Variants in ZDHHC7 observed in about 807,000 individuals in gnomAD.
ZDHHC7 encodes the protein zDHHC palmitoyltransferase 7.
ZDHHC7 carries 12 observed loss-of-function variants against 34.1 expected under a neutral mutation model. That is an observed-to-expected ratio of 0.35 (90% CI 0.23 to 0.57). ZDHHC7 has a LOEUF of 0.57. Ranked by LOEUF, ZDHHC7 falls within the 20% of genes least tolerant of loss-of-function variation. The pLI, the probability that ZDHHC7 is intolerant of heterozygous loss-of-function variation, is 0.84. For synonymous variants in ZDHHC7, 185 were observed against 155.4 expected (o/e 1.19, Z -1.42); for missense variants, 388 against 402.7 (o/e 0.96, Z 0.31).
intron 4 of ZDHHC7, among the ~76,000 whole-genome samples, chr16:84,980,153 A>T (rs1373347255): frequency 6.6e-6 from 1 of 150,520 alleles, no homozygotes; most frequent in African/African-American, 2.4e-5. Flanking sequence ...TTTAGTAGAG[A>T]TGGGGGTTTC....
the ZDHHC7 span, among the ~76,000 whole-genome samples, chr16:85,017,154 G>A: frequency 6.6e-6 from 1 of 151,912 alleles, no homozygotes; most frequent in Non-Finnish European, 1.5e-5. Flanking sequence ...TTACATACAT[G>A]AAAAAATTTA....
intron 3 of ZDHHC7, among the ~76,000 whole-genome samples, chr16:84,982,755 C>T (rs763984165): frequency 5.3e-5 from 8 of 152,256 alleles, no homozygotes; most frequent in African/African-American, 1.9e-4. Context: ...GGCCGCCCAG[C>T]GGCATCAGAA....
At chr16:84,978,130 C>T in intron 5 of ZDHHC7, 125 bp from the exon 6 acceptor site, 1 of 621,976 alleles carries the variant, frequency 1.6e-6, no homozygotes, top group Non-Finnish European at 2.7e-6. Flanking sequence ...CTCCGCCTGC[C>T]AGACTCAAGC....
intron 1 of ZDHHC7, among the ~76,000 whole-genome samples, chr16:85,006,881 C>T (rs988832493): frequency 6.6e-6 from 1 of 150,810 alleles, no homozygotes; most frequent in Non-Finnish European, 1.5e-5. Flanking sequence ...CTTTGGATTC[C>T]CCTTACCTCG....
Position 84,982,009 on chromosome 16 carries a change from G to C in ZDHHC7, c.316-15C>G, listed in dbSNP as rs771426924. ...GGTACTGCCCCCTACCATATAAGAA[G>C]AATGTACTTTAGTTGGGGAGAATGA... On this transcript the variant is annotated splice_polypyrimidine_tract_variant and intron_variant, in intron 3 of 7. Coordinates refer to ENST00000313732, the MANE Select transcript of ZDHHC7 (RefSeq NM_017740.3). 6.2e-7 allele frequency: 1 copy of C among 1,613,902 alleles called. No homozygotes were observed. The highest frequency in any genetic ancestry group is 1.1e-5 in the South Asian group (1 of 91,078).
intron 3 of ZDHHC7, among the ~76,000 whole-genome samples, chr16:84,987,246 A>C (rs77800149): frequency 0.021 from 3,256 of 152,340 alleles, 133 homozygotes; most frequent in African/African-American, 0.075. Context: ...CAGAGGACTC[A>C]AGCAGACATG....
intron 2 of ZDHHC7, among the ~76,000 whole-genome samples, chr16:84,991,674 C>A (rs777963574): frequency 4.6e-5 from 7 of 151,360 alleles, no homozygotes; most frequent in Admixed American, 1.3e-4. Flanking sequence ...TGCAGTGGCA[C>A]AATCACAGCT....
chr16:85,021,463 C>T, the ZDHHC7 span, among the ~76,000 whole-genome samples: 2 of 145,988 alleles, frequency 1.4e-5, no homozygotes, highest in African/African-American at 2.5e-5. Flanking sequence ...AATCCCAGAG[C>T]TTTGGGAGGC....
chr16:85,018,958 G>A, the ZDHHC7 span, among the ~76,000 whole-genome samples: 1 of 152,160 alleles, frequency 6.6e-6, no homozygotes, highest in African/African-American at 2.4e-5. Flanking sequence ...CCCGAAGAGG[G>A]TGACGTGTCC....
chr16:84,976,529 G>A lies in ZDHHC7; in HGVS notation c.751-10C>T, dbSNP rs200654799. On this transcript the variant is annotated splice_polypyrimidine_tract_variant and intron_variant, in intron 7 of 7. Transcript: ENST00000313732. ...TCAATCGCTCGATCTCCTGGAAGCA[G>A]AAAGAAAAGCAAGTGGCAGCGGCTC... 1.2e-6 allele frequency: 2 copies of A among 1,611,920 alleles called. No individual in the cohort carries two copies. Among genetic ancestry groups the A allele is most frequent in the Admixed American group, 1.7e-5 (1 of 59,444 alleles).
At chr16:84,998,430 T>G (rs1597555473) in intron 1 of ZDHHC7, among the ~76,000 whole-genome samples, 1 of 152,272 alleles carries the variant, frequency 6.6e-6, no homozygotes, top group South Asian at 2.1e-4. Flanking sequence ...CATCTGTAGC[T>G]GAGATGCTTC....
chr16:84,998,202 T>C (rs1380136509), intron 1 of ZDHHC7, among the ~76,000 whole-genome samples: 1 of 148,720 alleles, frequency 6.7e-6, no homozygotes, highest in Non-Finnish European at 1.5e-5. Flanking sequence ...AGGCGGAGTT[T>C]GCAGTGAGCC....
intron 1 of ZDHHC7, among the ~76,000 whole-genome samples, chr16:84,997,143 G>T (rs552843232): frequency 2.0e-5 from 3 of 152,182 alleles, no homozygotes; most frequent in Admixed American, 1.3e-4. Context: ...CAAGGCATAG[G>T]TAAAATTCAT....
chr16:84,999,877 T>G (rs917563872), intron 1 of ZDHHC7, among the ~76,000 whole-genome samples: 1 of 152,206 alleles, frequency 6.6e-6, no homozygotes, highest in Non-Finnish European at 1.5e-5. Context: ...CCGGGCACAG[T>G]GGCTCATACC....
chr16:85,021,054 G>A, the ZDHHC7 span, among the ~76,000 whole-genome samples: 21 of 151,728 alleles, frequency 1.4e-4, no homozygotes, highest in African/African-American at 3.6e-4. Context: ...GCAGTAAGCC[G>A]TGATCACACC....
intron 1 of ZDHHC7, among the ~76,000 whole-genome samples, 185 bp downstream of exon 1, chr16:85,011,101 G>A (rs2072785001): frequency 6.6e-6 from 1 of 152,226 alleles, no homozygotes; most frequent in Non-Finnish European, 1.5e-5. Flanking sequence ...ATGACAAGGG[G>A]GCACCTGGAA....
In ZDHHC7 at chr16:85,011,511, G is replaced by T. The variant is rs565993017; in HGVS notation, c.-329C>A. On this transcript the variant is annotated 5_prime_UTR_variant, in exon 1 of 8. Coordinates refer to ENST00000313732, the MANE Select transcript of ZDHHC7 (RefSeq NM_017740.3). The stretch of plus-strand genomic sequence containing the variant: ...CTCAGCCCGGAGCCTTGGCTGGAGA[G>T]CGGGGCGGTGCGAGCGCCGGAAGTG... 2.6e-5 allele frequency: 4 copies of T among 152,360 alleles called. No homozygotes were observed. Among genetic ancestry groups the T allele is most frequent in the African/African-American group, 9.6e-5 (4 of 41,570 alleles). 9.4% of individuals were successfully genotyped at this position (152,360 alleles called of 1,614,324 possible).
the ZDHHC7 span, among the ~76,000 whole-genome samples, chr16:85,017,466 T>C: frequency 2.0e-5 from 3 of 152,164 alleles, no homozygotes; most frequent in Non-Finnish European, 2.9e-5. Flanking sequence ...AAACTGAACA[T>C]GCACATCCTA....
At chr16:85,024,738 C>G in the ZDHHC7 span, among the ~76,000 whole-genome samples, 1 of 152,186 alleles carries the variant, frequency 6.6e-6, no homozygotes, top group Non-Finnish European at 1.5e-5. Context: ...TTCCCTTGCT[C>G]TCCACTCAAG....
Sources: gnomAD v4.1 joint callset for allele counts (sites outside exome capture counted in the v4.1 genomes callset) on GRCh38, gnomAD v4.1.1 for gene constraint, MANE v1.5 for transcripts, NCBI Gene and HGNC (gene_info 2026-07-23, HGNC 2026-07-21) for gene names.